SAMD13: variants seen among roughly 807,000 people sequenced by gnomAD.
SAMD13 encodes sterile alpha motif domain-containing protein 13.
Under a neutral mutation model 12.4 loss-of-function variants are expected in SAMD13, and 9 were observed. The observed-to-expected ratio is 0.72, with a 90% CI of 0.44 to 1.26. The LOEUF (loss-of-function observed/expected upper bound fraction) is 1.26, where lower values mean the gene tolerates loss of function less well. Among genes scored for constraint, SAMD13 ranks in the 50% most tolerant of loss-of-function variants. SAMD13 has a pLI of 0.00. For synonymous variants in SAMD13, 46 were observed against 45.4 expected (o/e 1.01, Z -0.05); for missense variants, 84 against 119.6 (o/e 0.70, Z 1.39).
chr1:84,318,468 T>C lies in SAMD13; in HGVS notation c.54-7169T>C, dbSNP rs537023374. On this transcript the variant is annotated intron_variant, in intron 2 of 3. Coordinates refer to ENST00000394834, the MANE Select transcript of SAMD13 (RefSeq NM_001134663.2). ...GTTTCATTCAATCAAAAAAGATATT[T>C]GGTATAATTTCATTATTTTTATATT... 3.3e-5 allele frequency among the ~76,000 whole-genome samples: 5 copies of C among 152,292 alleles called. No homozygotes were observed. In the South Asian group the frequency reaches 1.0e-3, roughly 32 times the overall value.
intron 2 of SAMD13, among the ~76,000 whole-genome samples, chr1:84,319,344 G>A (rs1570240095): frequency 1.3e-5 from 2 of 152,250 alleles, no homozygotes. Context: ...GAGTGTTCTT[G>A]GCCAGGTGCA....
chr1:84,337,429 A>G (rs774515357), intron 3 of SAMD13, among the ~76,000 whole-genome samples: 29 of 152,190 alleles, frequency 1.9e-4, no homozygotes, highest in South Asian at 2.1e-4. Context: ...TCAACACCAC[A>G]TGGAAGCTGC....
intron 2 of SAMD13, among the ~76,000 whole-genome samples, chr1:84,314,349 T>C (rs1570234907): frequency 6.6e-6 from 1 of 152,188 alleles, no homozygotes; most frequent in African/African-American, 2.4e-5. Context: ...TGGCTTCTCA[T>C]GAAAAAAAGG....
intron 3 of SAMD13, among the ~76,000 whole-genome samples, chr1:84,331,416 C>G (rs1172873136): frequency 6.9e-6 from 1 of 145,552 alleles, no homozygotes; most frequent in East Asian, 2.1e-4. Flanking sequence ...CATGGCAAAT[C>G]TGGCTTTGAA....
At chr1:84,304,766 C>T (rs1159868543) in intron 2 of SAMD13, among the ~76,000 whole-genome samples, 3 of 151,932 alleles carry the variant, frequency 2.0e-5, no homozygotes, top group South Asian at 2.1e-4. Context: ...ATACATCCCC[C>T]GCCCCCACAC....
rs1678889378 is a variant in SAMD13 at position 84,319,049 on chromosome 1, C to T, written c.54-6588C>T. On this transcript the variant is annotated intron_variant, in intron 2 of 3. Coordinates refer to ENST00000394834, the MANE Select transcript of SAMD13 (RefSeq NM_001134663.2). Reference sequence around the variant, plus strand: ...AGACATTGACTATATATCTTTTATACATTGTCAGCCCTCAAGGACTGCTGT... The same window carrying T: ...AGACATTGACTATATATCTTTTATATATTGTCAGCCCTCAAGGACTGCTGT... 2.6e-5 allele frequency among the ~76,000 whole-genome samples: 4 copies of T among 152,102 alleles called. No individual in the cohort carries two copies. In the South Asian group the frequency reaches 8.3e-4, roughly 31 times the overall value.
chr1:84,334,748 G>A (rs1679259304), intron 3 of SAMD13, among the ~76,000 whole-genome samples: 1 of 152,086 alleles, frequency 6.6e-6, no homozygotes, highest in Non-Finnish European at 1.5e-5. Flanking sequence ...AGAGATTCTG[G>A]TATGTTGTAT....
At chr1:84,308,578 T>C (rs993386213) in intron 2 of SAMD13, among the ~76,000 whole-genome samples, 11 of 152,292 alleles carry the variant, frequency 7.2e-5, no homozygotes, top group Admixed American at 4.6e-4. Context: ...AGTTTACATA[T>C]TTGTACTGGT....
At chr1:84,344,066 T>C (rs1679481638) in intron 3 of SAMD13, among the ~76,000 whole-genome samples, 1 of 148,654 alleles carries the variant, frequency 6.7e-6, no homozygotes, top group Non-Finnish European at 1.5e-5. Flanking sequence ...TTTTTGTTTT[T>C]TGTTTTTTTG....
chr1:84,321,976 C>T (rs1375663597), intron 2 of SAMD13, among the ~76,000 whole-genome samples: 1 of 152,190 alleles, frequency 6.6e-6, no homozygotes, highest in Non-Finnish European at 1.5e-5. Context: ...CTCTGCAAGC[C>T]ATCCCCACTC....
At chr1:84,347,251 G>C (rs937738025) in intron 3 of SAMD13, among the ~76,000 whole-genome samples, 4 of 152,152 alleles carry the variant, frequency 2.6e-5, no homozygotes, top group Non-Finnish European at 4.4e-5. Context: ...ATGTTTGGTT[G>C]TATGTATGAA....
At chr1:84,319,977 T>G (rs1678906524) in intron 2 of SAMD13, among the ~76,000 whole-genome samples, 1 of 152,162 alleles carries the variant, frequency 6.6e-6, no homozygotes, top group African/African-American at 2.4e-5. Context: ...ATGTTGACTT[T>G]CCATCCTTCT....
intron 2 of SAMD13, among the ~76,000 whole-genome samples, chr1:84,324,097 C>T (rs1679005624): frequency 6.6e-6 from 1 of 152,176 alleles, no homozygotes; most frequent in African/African-American, 2.4e-5. Context: ...TCCACACACT[C>T]CTCTTGTTTT....
At chr1:84,340,622 G>A (rs1050889817) in intron 3 of SAMD13, among the ~76,000 whole-genome samples, 11 of 152,128 alleles carry the variant, frequency 7.2e-5, no homozygotes, top group Non-Finnish European at 1.0e-4. Context: ...CATAATATAT[G>A]TCATGATTCA....
At chr1:84,337,882 T>C (rs1399248979) in intron 3 of SAMD13, among the ~76,000 whole-genome samples, 1 of 152,192 alleles carries the variant, frequency 6.6e-6, no homozygotes, top group Non-Finnish European at 1.5e-5. Context: ...TTTTACCAGA[T>C]ACCCTAAATC....
chr1:84,349,106 G>A (rs1679594863), intron 3 of SAMD13, among the ~76,000 whole-genome samples: 1 of 152,106 alleles, frequency 6.6e-6, no homozygotes, highest in Non-Finnish European at 1.5e-5. Context: ...CATTGGCTTT[G>A]GCTGCAGGTA....
Position 84,349,783 on chromosome 1 carries a change from A to C in SAMD13, c.*9A>C. ...AGAACAACTCTTCATAGTACAGTCA[A>C]ATTGGGGTCTTCGACCTCAAAAAAT... is the stretch of plus-strand genomic sequence containing the variant. On this transcript the variant is annotated 3_prime_UTR_variant, in exon 4 of 4. Coordinates refer to ENST00000394834, the MANE Select transcript of SAMD13 (RefSeq NM_001134663.2). 1 of 1,595,268 alleles carries C rather than the reference A, an allele frequency of 6.3e-7. No homozygotes were observed. The highest frequency in any genetic ancestry group is 8.5e-7 in the Non-Finnish European group (1 of 1,171,948).
At chr1:84,333,204 T>A (rs1020646400) in intron 3 of SAMD13, among the ~76,000 whole-genome samples, 1 of 152,336 alleles carries the variant, frequency 6.6e-6, no homozygotes, top group Admixed American at 6.5e-5. Flanking sequence ...TCTTTTTTGG[T>A]TCCATATGAA....
intron 2 of SAMD13, among the ~76,000 whole-genome samples, chr1:84,311,513 A>G (rs893923682): frequency 6.6e-6 from 1 of 152,180 alleles, no homozygotes; most frequent in Non-Finnish European, 1.5e-5. Flanking sequence ...ACTGTCTTCT[A>G]TTTCTTTTAA....
Sources: gnomAD v4.1 joint callset for allele counts (sites outside exome capture counted in the v4.1 genomes callset) on GRCh38, gnomAD v4.1.1 for gene constraint, MANE v1.5 for transcripts, NCBI Gene and HGNC (gene_info 2026-07-23, HGNC 2026-07-21) for gene names.